KIAA1549: variants seen among roughly 807,000 people sequenced by gnomAD.
The protein encoded by KIAA1549 is KIAA1549.
Under a neutral mutation model 156.4 loss-of-function variants are expected in KIAA1549, and 70 were observed. The ratio of observed to expected loss-of-function variants is 0.45; its 90% CI spans 0.37 to 0.55. The LOEUF is 0.55. KIAA1549 is among the 20% of genes least tolerant of loss of function. The probability of loss-of-function intolerance (pLI) is 0.00; values close to 1 mark genes in which losing one functional copy is unlikely to be tolerated. For synonymous variants in KIAA1549, 1,103 were observed against 1,066.4 expected, an observed-to-expected ratio of 1.03 and a Z score of -0.67; for missense variants, 2,428 against 2,540.9, an observed-to-expected ratio of 0.96 and a Z score of 0.96.
intron 1 of KIAA1549, among the ~76,000 whole-genome samples, chr7:138,953,428 T>C (rs1220730203): frequency 6.6e-6 from 1 of 151,638 alleles, no homozygotes; most frequent in East Asian, 1.9e-4. Flanking sequence ...ACAATAATAA[T>C]AGGAAAAAGG....
At chr7:138,889,314 A>G (rs1811486144) in intron 10 of KIAA1549, among the ~76,000 whole-genome samples, 1 of 152,134 alleles carries the variant, frequency 6.6e-6, no homozygotes, top group Non-Finnish European at 1.5e-5. Flanking sequence ...GTCTTCCCTC[A>G]CGTACACTCA....
Position 138,836,984 on chromosome 7 carries a change from A to C in KIAA1549, c.*922T>G, listed in dbSNP as rs907061013. 32 of 228,448 alleles carry C rather than the reference A, an allele frequency of 1.4e-4. No homozygotes were observed. Among genetic ancestry groups the C allele is most frequent in the Non-Finnish European group, 5.2e-5 (6 of 115,202 alleles). 14.2% of individuals were successfully genotyped at this position (228,448 alleles called of 1,614,324 possible). On this transcript the variant is annotated 3_prime_UTR_variant, in exon 20 of 20. Coordinates refer to ENST00000422774, the MANE Select transcript of KIAA1549 (RefSeq NM_001164665.2). Reference sequence around the variant, plus strand: ...AACAAATCAACAGCAAAGTGGAAGAAAGGATCAGTTAGGACCTCTTGAAAG... The same window carrying C: ...AACAAATCAACAGCAAAGTGGAAGACAGGATCAGTTAGGACCTCTTGAAAG...
At chr7:138,846,594 C>T (rs1025787139) in intron 17 of KIAA1549, among the ~76,000 whole-genome samples, 1 of 148,800 alleles carries the variant, frequency 6.7e-6, no homozygotes, top group Admixed American at 6.7e-5. Flanking sequence ...ATTGCTTTTG[C>T]ACTTCTGTAC....
intron 17 of KIAA1549, among the ~76,000 whole-genome samples, chr7:138,846,993 G>A (rs1281830740): frequency 1.3e-5 from 2 of 152,132 alleles, no homozygotes; most frequent in Non-Finnish European, 2.9e-5. Flanking sequence ...TGACTTTATA[G>A]ATCTAAGAGC....
At position 138,869,688 on chromosome 7, in the gene KIAA1549, C is replaced by T. The variant is rs769427032; in HGVS notation, c.4625G>A (p.Arg1542His). The change falls in exon 14 of 20, where the codon CGC (arginine) becomes CAC (histidine). Residue 1542 changes from arginine (R) to histidine (H), a missense_variant. Coordinates refer to ENST00000422774, the MANE Select transcript of KIAA1549 (RefSeq NM_001164665.2). ...RNKIRLRAKR[R>H]GHYEFPVVDD... ...TACCACCGGGAACTCGTAGTGCCCG[C>T]GGCGCTTGGCGCGCAGGCGGATCTT... The T allele has an allele frequency of 1.2e-5, 20 of 1,612,248 alleles. 1 individual carries two copies. Among genetic ancestry groups the T allele is most frequent in the African/African-American group, 5.3e-5 (4 of 74,904 alleles).
intron 1 of KIAA1549, among the ~76,000 whole-genome samples, chr7:138,955,869 G>C (rs569090593): frequency 5.5e-4 from 83 of 152,196 alleles, no homozygotes; most frequent in African/African-American, 1.9e-3. Flanking sequence ...AACATGCAGG[G>C]AACTGAGGCA....
At chr7:138,857,489 T>C (rs972603136) in intron 16 of KIAA1549, among the ~76,000 whole-genome samples, 6 of 152,192 alleles carry the variant, frequency 3.9e-5, no homozygotes, top group African/African-American at 1.4e-4. Flanking sequence ...TACGGTAGGA[T>C]ATATGTTTAA....
intron 1 of KIAA1549, among the ~76,000 whole-genome samples, chr7:138,944,303 A>C (rs1813280132): frequency 6.6e-6 from 1 of 152,218 alleles, no homozygotes; most frequent in South Asian, 2.1e-4. Context: ...AGTACATCGA[A>C]GGATGCTTAA....
rs1463913 is a variant in KIAA1549, at chr7:138,958,170, T to A, written c.187+22913A>T. On this transcript the variant is annotated intron_variant, in intron 1 of 19. Transcript: ENST00000422774. ...TGTGTATGCTGAGCATAAGTGGGCATGTGACCCACATGCGCGGGCCACAAG... is the reference window on the plus strand; with the variant it reads ...TGTGTATGCTGAGCATAAGTGGGCAAGTGACCCACATGCGCGGGCCACAAG... 7.1e-3 allele frequency among the ~76,000 whole-genome samples: 1,075 copies of A among 152,326 alleles called. 9 individuals are homozygous for A. Among genetic ancestry groups the A allele is most frequent in the African/African-American group, 0.025 (1,034 of 41,574 alleles).
At chr7:138,841,467 C>T (rs1448674998) in intron 18 of KIAA1549, among the ~76,000 whole-genome samples, 4 of 152,100 alleles carry the variant, frequency 2.6e-5, no homozygotes, top group Non-Finnish European at 4.4e-5. Context: ...GCTATGGAAG[C>T]CAGGTAATAC....
rs747859066 is a variant in KIAA1549 at position 138,903,654 on chromosome 7, G to A, written c.3603C>T (p.Ser1201=). 5.6e-6 allele frequency: 9 copies of A among 1,612,776 alleles called. No individual in the cohort carries two copies. In the East Asian group the frequency reaches 6.7e-5, roughly 12 times the overall value. The change falls in exon 8 of 20, where the codon AGC becomes AGT. Residue 1201 remains serine (S), a synonymous_variant. Coordinates refer to ENST00000422774, the MANE Select transcript of KIAA1549 (RefSeq NM_001164665.2). ...EMERKLAQLL[S]EVSTRRRMWR... ...ACATCCGCCTTCTGGTGGAAACCTC[G>A]CTGAGCAGCTGGGCCAGCTTGCGTT...
intron 1 of KIAA1549, among the ~76,000 whole-genome samples, chr7:138,928,485 C>A (rs1379991448): frequency 1.3e-5 from 2 of 152,092 alleles, no homozygotes; most frequent in Non-Finnish European, 2.9e-5. Context: ...CAGTGTTTCA[C>A]CATGTTGGCT....
At chr7:138,845,040 T>C (rs1810035631) in intron 17 of KIAA1549, among the ~76,000 whole-genome samples, 1 of 152,048 alleles carries the variant, frequency 6.6e-6, no homozygotes, top group Admixed American at 6.6e-5. Context: ...ATCGCAAACT[T>C]TTTTTTATCT....
chr7:138,871,432 G>T, intron 12 of KIAA1549, 70 bp from the exon 13 acceptor site: 2 of 1,335,492 alleles, frequency 1.5e-6, no homozygotes, highest in Non-Finnish European at 1.0e-6. Flanking sequence ...TCAAAATTGT[G>T]AATTATTCTT....
chr7:138,968,585 C>T (rs931853319), intron 1 of KIAA1549, among the ~76,000 whole-genome samples: 9 of 151,572 alleles, frequency 5.9e-5, no homozygotes, highest in Admixed American at 1.3e-4. Context: ...TGGTGGCTCA[C>T]GCCTGTAATC....
chr7:138,845,866 A>C (rs1444018652), intron 17 of KIAA1549, among the ~76,000 whole-genome samples: 1 of 152,186 alleles, frequency 6.6e-6, no homozygotes, highest in Non-Finnish European at 1.5e-5. Context: ...GGCTCACTTC[A>C]TTCATTTTCA....
Position 138,833,958 on chromosome 7 carries a change from T to A in KIAA1549, c.*3948A>T. On this transcript the variant is annotated 3_prime_UTR_variant, in exon 20 of 20. Coordinates refer to ENST00000422774, the MANE Select transcript of KIAA1549 (RefSeq NM_001164665.2). ...GATTCTGTCCCCATATCAAAGCAGATCAAGATCAAGTTCATTTCAGTGACA... is the reference window on the plus strand; with the variant it reads ...GATTCTGTCCCCATATCAAAGCAGAACAAGATCAAGTTCATTTCAGTGACA... 1 of 231,372 alleles carries A rather than the reference T, an allele frequency of 4.3e-6. No individual in the cohort carries two copies. 14.3% of individuals were successfully genotyped at this position (231,372 alleles called of 1,614,324 possible). A position where few individuals can be genotyped will look rare whatever the true frequency, so the allele number is the denominator to read the frequency against.
At chr7:138,955,834 T>C (rs149630793) in intron 1 of KIAA1549, among the ~76,000 whole-genome samples, 57 of 152,308 alleles carry the variant, frequency 3.7e-4, no homozygotes, top group African/African-American at 1.3e-3. Context: ...AGACAAACTT[T>C]TTTTATCCCA....
intron 1 of KIAA1549, among the ~76,000 whole-genome samples, chr7:138,976,169 C>T (rs757606107): frequency 3.3e-5 from 5 of 152,104 alleles, no homozygotes; most frequent in African/African-American, 7.2e-5. Context: ...CTCTGCCTCC[C>T]GGGTTCAAGC....
Sources: allele counts gnomAD v4.1 joint callset (sites outside exome capture counted in the v4.1 genomes callset), GRCh38; gene constraint gnomAD v4.1.1; transcripts MANE v1.5; gene names NCBI Gene and HGNC (gene_info 2026-07-23, HGNC 2026-07-21).